SDK1: variants seen among roughly 807,000 people sequenced by gnomAD.
SDK1 encodes the protein sidekick cell adhesion molecule 1, also known as protein sidekick-1.
Under a neutral mutation model 245.5 loss-of-function variants are expected in SDK1, and 157 were observed. That is an observed-to-expected ratio of 0.64 (90% CI 0.56 to 0.73). The LOEUF (loss-of-function observed/expected upper bound fraction) is 0.73. Ranked by LOEUF, SDK1 falls within the 30% of genes least tolerant of loss-of-function variation. The pLI, the probability that SDK1 is intolerant of heterozygous loss-of-function variation, is 0.00. For missense variants in SDK1, 3,583 were observed against 3,002.3 expected (o/e 1.19, Z -4.52); for synonymous variants, 1,647 against 1,278.5 (o/e 1.29, Z -6.15).
intron 13 of SDK1, among the ~76,000 whole-genome samples, chr7:3,983,163 C>G (rs776697743): frequency 1.3e-5 from 2 of 152,162 alleles, no homozygotes; most frequent in Non-Finnish European, 2.9e-5. Context: ...GAAATGGCAA[C>G]AAGGCCTTAG....
chr7:3,951,597 G>C, intron 6 of SDK1, 133 bp from the exon 7 acceptor site: 3 of 689,156 alleles, frequency 4.4e-6, no homozygotes, highest in South Asian at 3.6e-5. Context: ...TGAGTTTTCA[G>C]TGTCCGTTGT....
chr7:3,526,585 C>G (rs754866396), intron 1 of SDK1, among the ~76,000 whole-genome samples: 73 of 152,052 alleles, frequency 4.8e-4, no homozygotes, highest in Non-Finnish European at 9.7e-4. Flanking sequence ...TATGTTTTTT[C>G]TCCATCACTT....
At chr7:3,506,141 T>A (rs1782384858) in intron 1 of SDK1, among the ~76,000 whole-genome samples, 1 of 152,120 alleles carries the variant, frequency 6.6e-6, no homozygotes, top group South Asian at 2.1e-4. Context: ...AAGAACTTCT[T>A]GTAGCTTTTC....
chr7:3,305,594 T>G (rs1453719484), intron 1 of SDK1, among the ~76,000 whole-genome samples: 2 of 152,202 alleles, frequency 1.3e-5, no homozygotes, highest in African/African-American at 4.8e-5. Flanking sequence ...CCTACTCCCT[T>G]TACAACTTTG....
chr7:3,407,924 A>C (rs1779096059), intron 1 of SDK1, among the ~76,000 whole-genome samples: 1 of 152,198 alleles, frequency 6.6e-6, no homozygotes, highest in African/African-American at 2.4e-5. Flanking sequence ...TGCTCTCAGC[A>C]AACACAGGTG....
At chr7:3,901,140 GCTGA>G (rs1366252642) in intron 5 of SDK1, among the ~76,000 whole-genome samples, 1 of 151,978 alleles carries the variant, frequency 6.6e-6, no homozygotes, top group Non-Finnish European at 1.5e-5. Context: ...CTTGAATTTG[GCTGA>G]CTGTGTATTC....
At position 3,663,662 on chromosome 7, in the gene SDK1, C is replaced by G. The variant is rs186376127; in HGVS notation, c.713+21557C>G. Among the ~76,000 whole-genome samples, 178 of 152,172 alleles carry G rather than the reference C, an allele frequency of 1.2e-3. 3 individuals are homozygous for G. In the East Asian group the frequency reaches 0.031, roughly 27 times the overall value. ...TGTCCCAGTTTTAGCACTGAGAGTC[C>G]CCTCAGTCCCTGGGCAAACCGAGAT... On this transcript the variant is annotated intron_variant, in intron 4 of 44. Transcript: ENST00000404826.
intron 2 of SDK1, among the ~76,000 whole-genome samples, chr7:3,623,310 C>T (rs201425448): frequency 9.2e-5 from 13 of 141,786 alleles, no homozygotes; most frequent in Non-Finnish European, 1.8e-4. Flanking sequence ...TGCAGTGGAG[C>T]GATCTCGGCT....
At chr7:3,374,406 C>A (rs375525722) in intron 1 of SDK1, among the ~76,000 whole-genome samples, 3 of 152,126 alleles carry the variant, frequency 2.0e-5, no homozygotes, top group East Asian at 1.9e-4. Flanking sequence ...TCACATAAAT[C>A]GTGTACTTGT....
chr7:3,850,688 T>A (rs1265793412), intron 5 of SDK1, among the ~76,000 whole-genome samples: 1 of 152,172 alleles, frequency 6.6e-6, no homozygotes, highest in Non-Finnish European at 1.5e-5. Context: ...TAAAAAAGGA[T>A]GCGTTCATGT....
chr7:3,517,645 GTGTTGCTGCAGGTTGTCCA>G lies in SDK1; in HGVS notation c.299-101429_299-101411del, dbSNP rs1268044755. Among the ~76,000 whole-genome samples, 4 of 152,160 alleles carry G rather than the reference GTGTTGCTGCAGGTTGTCCA, an allele frequency of 2.6e-5. 1 individual carries two copies. The highest frequency in any genetic ancestry group is 9.7e-5 in the African/African-American group (4 of 41,450). ...GTAAGGTGGAGGTATAATTTTGGAT[GTGTTGCTGCAGGTTGTCCA>G]TGTTGATGCCCACCATTGTTCTGCT... On this transcript the variant is annotated intron_variant, in intron 1 of 44. Transcript: ENST00000404826.
intron 5 of SDK1, among the ~76,000 whole-genome samples, chr7:3,945,622 T>C (rs1333217778): frequency 1.3e-5 from 2 of 152,038 alleles, no homozygotes; most frequent in East Asian, 3.9e-4. Context: ...AGGGCCGGGC[T>C]TGGTGGCTCA....
At chr7:3,701,879 T>G (rs1784749238) in intron 4 of SDK1, among the ~76,000 whole-genome samples, 1 of 126,236 alleles carries the variant, frequency 7.9e-6, no homozygotes, top group African/African-American at 3.1e-5. Context: ...GGAGGAAGAA[T>G]AGTCTTTTCA....
At chr7:3,424,010 C>G (rs1779604590) in intron 1 of SDK1, among the ~76,000 whole-genome samples, 1 of 151,642 alleles carries the variant, frequency 6.6e-6, no homozygotes, top group Admixed American at 6.6e-5. Context: ...CTTCCAGGTT[C>G]AAGCGATCCT....
At chr7:3,436,037 C>A (rs1406353907) in intron 1 of SDK1, among the ~76,000 whole-genome samples, 3 of 152,142 alleles carry the variant, frequency 2.0e-5, no homozygotes, top group Admixed American at 2.0e-4. Context: ...ATGTGATTTG[C>A]ATGATAAGTT....
rs551880535 is a variant in SDK1, at chr7:4,226,114, C to G, written c.5827+4750C>G. Reference sequence around the variant, plus strand: ...GTCATCCATTACAGGCCTCATTACACAAAACATTAAATGCTGTATCATCTC... The same window carrying G: ...GTCATCCATTACAGGCCTCATTACAGAAAACATTAAATGCTGTATCATCTC... On this transcript the variant is annotated intron_variant, in intron 40 of 44. Transcript: ENST00000404826. Among the ~76,000 whole-genome samples the G allele has an allele frequency of 4.6e-5, 7 of 152,290 alleles. No individual in the cohort carries two copies. The East Asian group carries it at 1.4e-3, about 29-fold the overall frequency.
intron 4 of SDK1, among the ~76,000 whole-genome samples, chr7:3,753,886 T>C (rs1430578937): frequency 3.9e-5 from 6 of 152,238 alleles, no homozygotes; most frequent in Non-Finnish European, 5.9e-5. Flanking sequence ...ATAAAATACG[T>C]CCATGAGAAT....
chr7:3,622,561 C>A (rs1408187799), intron 2 of SDK1, among the ~76,000 whole-genome samples: 2 of 152,136 alleles, frequency 1.3e-5, no homozygotes, highest in African/African-American at 4.8e-5. Context: ...TATATGCAAC[C>A]TTTCAGAATT....
chr7:3,681,113 A>T (rs1442719081), intron 4 of SDK1, among the ~76,000 whole-genome samples: 1 of 152,142 alleles, frequency 6.6e-6, no homozygotes, highest in African/African-American at 2.4e-5. Context: ...GAGTGCTGGG[A>T]TTACAGGCGT....
Sources: gnomAD v4.1 joint callset for allele counts (sites outside exome capture counted in the v4.1 genomes callset) on GRCh38, gnomAD v4.1.1 for gene constraint, MANE v1.5 for transcripts, NCBI Gene and HGNC (gene_info 2026-07-23, HGNC 2026-07-21) for gene names.